The following SEPTIN9 variants were observed in gnomAD, a reference collection of about 807,000 sequenced individuals.
SEPTIN9 encodes septin 9.
Under a neutral mutation model 56.6 loss-of-function variants are expected in SEPTIN9, and 13 were observed. That is an observed-to-expected ratio of 0.23 (90% CI 0.15 to 0.37). The LOEUF is 0.37. SEPTIN9 is among the 10% of genes least tolerant of loss of function. The pLI, the probability that SEPTIN9 is intolerant of heterozygous loss-of-function variation, is 1.00. For synonymous variants in SEPTIN9, 332 were observed against 334.1 expected (o/e 0.99, Z 0.07); for missense variants, 650 against 823.1 (o/e 0.79, Z 2.57).
chr17:77,412,480 T>C (rs368602240), intron 3 of SEPTIN9, among the ~76,000 whole-genome samples: 2 of 152,330 alleles, frequency 1.3e-5, no homozygotes, highest in South Asian at 4.1e-4. Context: ...CTAACACCTA[T>C]AATCCCAGCA....
At chr17:77,395,141 C>A (rs1323035612) in intron 2 of SEPTIN9, among the ~76,000 whole-genome samples, 1 of 151,956 alleles carries the variant, frequency 6.6e-6, no homozygotes, top group Admixed American at 6.6e-5. Context: ...TCTCGGACTC[C>A]TGGCTCAAGC....
rs545178256 is a variant in SEPTIN9, at chr17:77,431,621, G to A, written c.721+28918G>A. Among the ~76,000 whole-genome samples the A allele has an allele frequency of 6.6e-5, 10 of 152,090 alleles. 1 individual carries two copies. The highest frequency in any genetic ancestry group is 1.9e-4 in the East Asian group (1 of 5,158). On this transcript the variant is annotated intron_variant, in intron 3 of 11. Transcript: ENST00000427177. ...AGGCAGGCAGATTGCTTGAGCCCAC[G>A]AGTTTGAGACCAGCCTGGGCAACAT... is the stretch of plus-strand genomic sequence containing the variant.
chr17:77,397,915 G>A (rs2035776299), intron 2 of SEPTIN9, among the ~76,000 whole-genome samples: 1 of 152,040 alleles, frequency 6.6e-6, no homozygotes, highest in Admixed American at 6.6e-5. Flanking sequence ...GCCTGCCTTG[G>A]CCTCCCAAAG....
intron 2 of SEPTIN9, among the ~76,000 whole-genome samples, chr17:77,321,578 T>C (rs59232154): frequency 0.13 from 19,407 of 151,942 alleles, 1,462 homozygotes; most frequent in South Asian, 0.24. Flanking sequence ...TTAGTAGAGA[T>C]GGGGTTTCAC....
In SEPTIN9 at chr17:77,429,031, C is replaced by A. The variant is rs750979784; in HGVS notation, c.721+26328C>A. 42 of 471,366 alleles carry A rather than the reference C, an allele frequency of 8.9e-5. 1 individual carries two copies. Among genetic ancestry groups the A allele is most frequent in the South Asian group, 6.3e-4 (41 of 64,578 alleles). The allele number at this position is 471,366 out of a possible 1,614,324, so 29.2% of individuals were successfully genotyped here. A position where few individuals can be genotyped will look rare whatever the true frequency, so the allele number is the denominator to read the frequency against. On this transcript the variant is annotated intron_variant, in intron 3 of 11. Transcript: ENST00000427177. This position sits in a 1 kb window ranked among gnomAD's most constrained non-coding sequence, Gnocchi z 5.2. ...GCAGCCGGTGAGAATGGGAGCATCT[C>A]AGCAGCCCTCCGCCCCCTGCTCCTG...
intron 2 of SEPTIN9, among the ~76,000 whole-genome samples, chr17:77,342,826 T>G (rs62079558): frequency 6.6e-6 from 1 of 152,084 alleles, no homozygotes; most frequent in East Asian, 1.9e-4. Context: ...TACAAAAAAT[T>G]ATCCTGGCGT....
At chr17:77,380,376 AT>A (rs113668082) in intron 2 of SEPTIN9, 41,491 of 148,750 alleles carry the variant, frequency 0.28, 6,362 homozygotes, top group East Asian at 0.5. Context: ...GGCTTCTCGT[AT>A]TTTTTTGTTT....
rs2039836764 is a variant in SEPTIN9, at chr17:77,487,365, T to G, written c.914-59T>G. ...GTGCCTGGGTGGGAGGGGCCCCATGTGCAGACCCTGCTGGTCTCTCCGGAG... is the reference window on the plus strand; with the variant it reads ...GTGCCTGGGTGGGAGGGGCCCCATGGGCAGACCCTGCTGGTCTCTCCGGAG... On this transcript the variant is annotated intron_variant, in intron 4 of 11. Transcript: ENST00000427177. The surrounding 1 kb of genome is among the most constrained non-coding windows in gnomAD (Gnocchi z 4.3). The G allele has an allele frequency of 6.4e-7, 1 of 1,553,008 alleles. No homozygotes were observed. Among genetic ancestry groups the G allele is most frequent in the African/African-American group, 1.4e-5 (1 of 73,294 alleles).
chr17:77,418,006 G>T (rs1466258241), intron 3 of SEPTIN9, among the ~76,000 whole-genome samples: 2 of 152,154 alleles, frequency 1.3e-5, no homozygotes, highest in African/African-American at 2.4e-5. Context: ...CACTGGGAGT[G>T]GGGGGCTCCT....
chr17:77,341,481 A>G (rs1002277056), intron 2 of SEPTIN9, among the ~76,000 whole-genome samples: 1 of 152,240 alleles, frequency 6.6e-6, no homozygotes, highest in Non-Finnish European at 1.5e-5. Context: ...AATGGCATTG[A>G]AGATCACTGA....
intron 3 of SEPTIN9, among the ~76,000 whole-genome samples, chr17:77,417,292 C>T (rs755438920): frequency 2.0e-5 from 3 of 152,224 alleles, no homozygotes; most frequent in Non-Finnish European, 4.4e-5. Flanking sequence ...GTGTCTCCAG[C>T]AGCCAAGCTC....
At chr17:77,388,921 A>G (rs927968405) in intron 2 of SEPTIN9, among the ~76,000 whole-genome samples, 3 of 149,490 alleles carry the variant, frequency 2.0e-5, no homozygotes, top group Non-Finnish European at 4.4e-5. Context: ...CAGGCAGATC[A>G]GGAATGGTCA....
chr17:77,490,935 G>C, intron 8 of SEPTIN9, 76 bp downstream of exon 8: 1 of 1,116,194 alleles, frequency 9.0e-7, no homozygotes, highest in African/African-American at 1.5e-5. Flanking sequence ...GGGCCACCCC[G>C]TCTAAAGGAG....
chr17:77,432,555 C>T (rs1348094962), intron 3 of SEPTIN9, among the ~76,000 whole-genome samples: 1 of 152,242 alleles, frequency 6.6e-6, no homozygotes. Context: ...GACCCTCAGG[C>T]TGTTCCACCA....
intron 2 of SEPTIN9, among the ~76,000 whole-genome samples, chr17:77,350,244 G>A (rs969052330): frequency 6.6e-6 from 1 of 152,204 alleles, no homozygotes; most frequent in Non-Finnish European, 1.5e-5. Context: ...AGGGTTGGGC[G>A]GGAAGCCTGT....
In SEPTIN9 at chr17:77,445,607, CTG is replaced by C. The variant is rs1228522418; in HGVS notation, c.722-36531_722-36530del. The C allele has an allele frequency of 5.4e-6, 2 of 369,090 alleles. No homozygotes were observed. The highest frequency in any genetic ancestry group is 4.1e-5 in the South Asian group (2 of 48,388). 22.9% of individuals were successfully genotyped at this position (369,090 alleles called of 1,614,324 possible). On this transcript the variant is annotated intron_variant, in intron 3 of 11. Transcript: ENST00000427177. The surrounding 1 kb of genome is among the most constrained non-coding windows in gnomAD (Gnocchi z 4.7). ...TCCCCTCCTCTCTGCTGCTGTGTTG[CTG>C]TGTGTTTCAGCAGCACGTGGGTGTC... is the stretch of plus-strand genomic sequence containing the variant.
chr17:77,486,207 A>G (rs1447942480), intron 4 of SEPTIN9, among the ~76,000 whole-genome samples: 1 of 152,020 alleles, frequency 6.6e-6, no homozygotes, highest in Non-Finnish European at 1.5e-5. Flanking sequence ...GGCTTGAGCA[A>G]TTCTCCTACT....
At chr17:77,497,897 A>G (rs1294231596) in intron 11 of SEPTIN9, among the ~76,000 whole-genome samples, 1 of 128,610 alleles carries the variant, frequency 7.8e-6, no homozygotes, top group Non-Finnish European at 1.6e-5. Flanking sequence ...GGATGATGGG[A>G]ATGTTATCAA....
chr17:77,331,532 G>A (rs1347478180), intron 2 of SEPTIN9, among the ~76,000 whole-genome samples: 2 of 152,212 alleles, frequency 1.3e-5, no homozygotes, highest in East Asian at 1.9e-4. Flanking sequence ...GCAGGGAGGC[G>A]GGTGGCAGCG....
Sources: allele counts gnomAD v4.1 joint callset (sites outside exome capture counted in the v4.1 genomes callset), GRCh38; gene constraint gnomAD v4.1.1; non-coding constraint Gnocchi (gnomAD v3.1); transcripts MANE v1.5; gene names NCBI Gene and HGNC (gene_info 2026-07-23, HGNC 2026-07-21).